Variants in TTLL11 observed in about 807,000 individuals in gnomAD.
TTLL11 encodes the protein tubulin tyrosine ligase like 11, also known as tubulin polyglutamylase TTLL11.
Under a neutral mutation model 51.7 loss-of-function variants are expected in TTLL11, and 42 were observed. That is an observed-to-expected ratio of 0.81 (90% CI 0.64 to 1.05). The LOEUF (loss-of-function observed/expected upper bound fraction) is 1.05, where lower values mean the gene tolerates loss of function less well. TTLL11 is among the 50% of genes least tolerant of loss of function. The probability of loss-of-function intolerance (pLI) is 0.00; values close to 1 mark genes in which losing one functional copy is unlikely to be tolerated. For synonymous variants in TTLL11, 381 were observed against 383.5 expected (o/e 0.99, Z 0.08); for missense variants, 799 against 940.4 (o/e 0.85, Z 1.97).
At chr9:121,824,775 G>A (rs1228354140) in intron 8 of TTLL11, among the ~76,000 whole-genome samples, 1 of 152,144 alleles carries the variant, frequency 6.6e-6, no homozygotes, top group Non-Finnish European at 1.5e-5. Context: ...TTAGGCTGGT[G>A]TCAACTCTGA....
chr9:121,990,155 C>T (rs1380996180), intron 3 of TTLL11, among the ~76,000 whole-genome samples: 1 of 152,208 alleles, frequency 6.6e-6, no homozygotes, highest in African/African-American at 2.4e-5. Flanking sequence ...CTATATCAGG[C>T]ACTTACCTAA....
intron 4 of TTLL11, among the ~76,000 whole-genome samples, chr9:121,978,400 A>G (rs1842761040): frequency 6.6e-6 from 1 of 152,108 alleles, no homozygotes; most frequent in East Asian, 1.9e-4. Flanking sequence ...AGATCAGATC[A>G]AATTTGACCT....
Position 122,093,242 on chromosome 9 carries a change from G to A in TTLL11, c.-94C>T, listed in dbSNP as rs1481940515. On this transcript the variant is annotated 5_prime_UTR_variant, in exon 1 of 9. Coordinates refer to ENST00000321582, the MANE Select transcript of TTLL11 (RefSeq NM_001139442.2). ...CCACCAAACTGCCGCCGCTGCAGCC[G>A]CTGCCACGCGTTCCCCGCCCGAGCC... 6 of 1,500,068 alleles carry A rather than the reference G, an allele frequency of 4.0e-6. No homozygotes were observed. The highest frequency in any genetic ancestry group is 4.6e-5 in the Admixed American group (2 of 43,688). The allele number at this position is 1,500,068 out of a possible 1,614,324, so 92.9% of individuals were successfully genotyped here.
At chr9:121,967,987 G>C (rs1272944455) in intron 6 of TTLL11, among the ~76,000 whole-genome samples, 1 of 152,176 alleles carries the variant, frequency 6.6e-6, no homozygotes, top group Admixed American at 6.5e-5. Context: ...CCGGGAAGTG[G>C]GGGGAGGGGG....
At chr9:121,923,653 G>C (rs536378487) in intron 6 of TTLL11, among the ~76,000 whole-genome samples, 1 of 129,076 alleles carries the variant, frequency 7.7e-6, no homozygotes, top group African/African-American at 2.6e-5. Context: ...TTTGGTAAGA[G>C]TAAGTGGCTT....
intron 6 of TTLL11, among the ~76,000 whole-genome samples, chr9:121,929,516 G>A (rs1392191093): frequency 6.6e-6 from 1 of 152,160 alleles, no homozygotes; most frequent in African/African-American, 2.4e-5. Context: ...CAAGGAATAT[G>A]TATGAAAAAC....
rs117132996 is a variant in TTLL11, at chr9:121,950,718, G to A, written c.1481+23291C>T. Reference sequence around the variant, plus strand: ...AAAAGGAGGGCTGCTGGTTAGTGCCGAATGCCAATGACAGGAAAGCTGCAA... The same window carrying A: ...AAAAGGAGGGCTGCTGGTTAGTGCCAAATGCCAATGACAGGAAAGCTGCAA... On this transcript the variant is annotated intron_variant, in intron 6 of 8. Coordinates refer to ENST00000321582, the MANE Select transcript of TTLL11 (RefSeq NM_001139442.2). 5.9e-5 allele frequency among the ~76,000 whole-genome samples: 9 copies of A among 152,122 alleles called. No homozygotes were observed. In the East Asian group the frequency reaches 7.7e-4, roughly 13 times the overall value.
At chr9:121,836,865 A>T (rs1837193700) in intron 8 of TTLL11, among the ~76,000 whole-genome samples, 1 of 152,220 alleles carries the variant, frequency 6.6e-6, no homozygotes, top group Admixed American at 6.5e-5. Context: ...TGGAAAGTGA[A>T]GGTCCTGTTT....
chr9:121,995,473 A>C lies in TTLL11; in HGVS notation c.694-5703T>G, dbSNP rs1318850794. Reference sequence around the variant, plus strand: ...CTGAGAGAAGAGGTAGAATCAGGGCACCTGGTGACTGGACAGATGTGAAAG... The same window carrying C: ...CTGAGAGAAGAGGTAGAATCAGGGCCCCTGGTGACTGGACAGATGTGAAAG... On this transcript the variant is annotated intron_variant, in intron 3 of 8. Coordinates refer to ENST00000321582, the MANE Select transcript of TTLL11 (RefSeq NM_001139442.2). The surrounding 1 kb of genome is among the most constrained non-coding windows in gnomAD (Gnocchi z 4.4). Among the ~76,000 whole-genome samples, 5 of 152,128 alleles carry C rather than the reference A, an allele frequency of 3.3e-5. No homozygotes were observed. Among genetic ancestry groups the C allele is most frequent in the Non-Finnish European group, 7.3e-5 (5 of 68,034 alleles).
At chr9:122,006,965 G>A (rs1474543337) in intron 3 of TTLL11, among the ~76,000 whole-genome samples, 2 of 115,096 alleles carry the variant, frequency 1.7e-5, no homozygotes, top group Admixed American at 1.2e-4. Context: ...CTCGGTGGCA[G>A]AGCGAGATAC....
intron 1 of TTLL11, among the ~76,000 whole-genome samples, chr9:122,055,244 A>G (rs147699061): frequency 8.5e-4 from 35 of 41,356 alleles, no homozygotes; most frequent in Non-Finnish European, 1.6e-3. Flanking sequence ...TAGATAGATA[A>G]AGGGGAGTTT....
rs1320981989 is a variant in TTLL11 at position 121,870,759 on chromosome 9, C to T, written c.1482-11G>A. ...TCAAGCTGCTGAGACCTGAAGCACA[C>T]AAAGAATTAATGATATAACACTTTC... On this transcript the variant is annotated splice_polypyrimidine_tract_variant and intron_variant, in intron 6 of 8. Coordinates refer to ENST00000321582, the MANE Select transcript of TTLL11 (RefSeq NM_001139442.2). The T allele has an allele frequency of 6.5e-7, 1 of 1,530,890 alleles. No homozygotes were observed. Among genetic ancestry groups the T allele is most frequent in the Non-Finnish European group, 8.8e-7 (1 of 1,135,672 alleles). 94.8% of individuals were successfully genotyped at this position (1,530,890 alleles called of 1,614,324 possible). A position where few individuals can be genotyped will look rare whatever the true frequency, so the allele number is the denominator to read the frequency against.
chr9:122,092,577 C>T, intron 1 of TTLL11, 110 bp downstream of exon 1: 6 of 1,471,174 alleles, frequency 4.1e-6, no homozygotes, highest in Non-Finnish European at 5.4e-6. Flanking sequence ...CGTGGTGCAC[C>T]GCAGGAGCTC....
chr9:121,819,807 T>A lies in TTLL11; in HGVS notation c.*2780A>T, dbSNP rs1836521125. 6.6e-6 allele frequency among the ~76,000 whole-genome samples: 1 copy of A among 152,170 alleles called. No individual in the cohort carries two copies. The highest frequency in any genetic ancestry group is 1.5e-5 in the Non-Finnish European group (1 of 68,030). On this transcript the variant is annotated 3_prime_UTR_variant, in exon 9 of 9. Transcript: ENST00000321582. The stretch of plus-strand genomic sequence containing the variant: ...TGCTTTTGCTATCGTTTCAATTACA[T>A]CCAATAAAACGAGTGGCCGATTACC...
chr9:121,993,007 G>A (rs891023173), intron 3 of TTLL11, among the ~76,000 whole-genome samples: 2 of 152,284 alleles, frequency 1.3e-5, no homozygotes, highest in South Asian at 2.1e-4. Flanking sequence ...ACTATGCTAA[G>A]TGAAATAAAC....
At chr9:121,943,742 C>T (rs946385882) in intron 6 of TTLL11, among the ~76,000 whole-genome samples, 2 of 152,186 alleles carry the variant, frequency 1.3e-5, no homozygotes, top group East Asian at 1.9e-4. Flanking sequence ...TACTTACTGG[C>T]CTCATTGCAC....
intron 3 of TTLL11, among the ~76,000 whole-genome samples, chr9:121,998,077 G>GT (rs1843335486): frequency 6.6e-6 from 1 of 152,136 alleles, no homozygotes; most frequent in African/African-American, 2.4e-5. Context: ...AGCTAAAATT[G>GT]TTTTTCCAAT....
chr9:121,994,475 A>G (rs1843199499), intron 3 of TTLL11, among the ~76,000 whole-genome samples: 1 of 152,202 alleles, frequency 6.6e-6, no homozygotes, highest in Admixed American at 6.5e-5. Flanking sequence ...TAATCCTCAC[A>G]ACAATCCTAT....
intron 6 of TTLL11, among the ~76,000 whole-genome samples, chr9:121,931,374 T>C (rs1301060753): frequency 6.6e-6 from 1 of 152,130 alleles, no homozygotes. Context: ...CTAGACTTCT[T>C]GTTGGAGCAG....
Sources: allele counts gnomAD v4.1 joint callset (sites outside exome capture counted in the v4.1 genomes callset), GRCh38; gene constraint gnomAD v4.1.1; non-coding constraint Gnocchi (gnomAD v3.1); transcripts MANE v1.5; gene names NCBI Gene and HGNC (gene_info 2026-07-23, HGNC 2026-07-21).